ABCA8: variants seen among roughly 807,000 people sequenced by gnomAD.
ABCA8 encodes the protein ATP binding cassette subfamily A member 8.
Under a neutral mutation model 192.3 loss-of-function variants are expected in ABCA8, and 177 were observed. The ratio of observed to expected loss-of-function variants is 0.92; its 90% CI spans 0.81 to 1.04. The LOEUF is 1.04. Ranked by LOEUF, ABCA8 falls within the 50% of genes least tolerant of loss-of-function variation. The pLI is 0.00. For synonymous variants in ABCA8, 642 were observed against 690.2 expected (o/e 0.93, Z 1.09); for missense variants, 1,915 against 1,904.8 (o/e 1.01, Z -0.10).
Position 68,919,373 on chromosome 17 carries a change from G to T in ABCA8, c.1716C>A (p.Phe572Leu). The T allele has an allele frequency of 6.2e-7, 1 of 1,613,988 alleles. No homozygotes were observed. Among genetic ancestry groups the T allele is most frequent in the Non-Finnish European group, 8.5e-7 (1 of 1,179,968 alleles). ...GTCTGAGGTTTTCTCTTACAGTGAG[G>T]AAGTCAAATTGCACATTGGATTGTG... ...VCPQSNVQFD[F>L]LTVRENLRLF... The change falls in exon 14 of 40, where the codon TTC (phenylalanine) becomes TTA (leucine). Residue 572 changes from phenylalanine to leucine, a missense_variant. Physicochemically the swap from Phe to Leu is conservative, Grantham distance 22. Transcript: ENST00000586539.
At chr17:68,933,321 T>G in intron 5 of ABCA8, 50 bp from the exon 6 acceptor site, 2 of 1,211,198 alleles carry the variant, frequency 1.7e-6, no homozygotes, top group Non-Finnish European at 2.4e-6. Context: ...ATCTATATTA[T>G]TGAAATATGA....
intron 2 of ABCA8, among the ~76,000 whole-genome samples, chr17:68,945,528 C>A (rs1221563581): frequency 6.6e-6 from 1 of 152,082 alleles, no homozygotes; most frequent in Non-Finnish European, 1.5e-5. Flanking sequence ...CTTTCCTTTT[C>A]AGAAGTCATA....
intron 22 of ABCA8, 113 bp downstream of exon 22, chr17:68,894,767 A>T (rs749557327): frequency 1.6e-4 from 188 of 1,208,884 alleles, no homozygotes; most frequent in Non-Finnish European, 1.7e-4. Flanking sequence ...ACTAAGTAAT[A>T]AATGAAAACA....
At chr17:68,934,346 C>A (rs561708630) in intron 5 of ABCA8, among the ~76,000 whole-genome samples, 127 of 152,106 alleles carry the variant, frequency 8.3e-4, no homozygotes, top group South Asian at 2.3e-3. Context: ...TATATGTCTT[C>A]TTGTAAATAT....
At chr17:68,902,684 A>G (rs1219547277) in intron 21 of ABCA8, 29 bp downstream of exon 21, 2 of 1,582,864 alleles carry the variant, frequency 1.3e-6, no homozygotes, top group Admixed American at 1.7e-5. Context: ...CAGTAAATGT[A>G]TTTGGAAATC....
At chr17:68,887,925 T>TCCA in intron 24 of ABCA8, among the ~76,000 whole-genome samples, 5 of 101,028 alleles carry the variant, frequency 4.9e-5, no homozygotes, top group African/African-American at 2.0e-4. Context: ...TATATATATA[T>TCCA]TATATATGGA....
intron 11 of ABCA8, among the ~76,000 whole-genome samples, chr17:68,924,061 T>C (rs1170988768): frequency 6.6e-6 from 1 of 152,042 alleles, no homozygotes; most frequent in African/African-American, 2.4e-5. Context: ...ATAAGAAGTT[T>C]AAAAAGTGGA....
At chr17:68,893,761 GT>G (rs1194152894) in intron 23 of ABCA8, among the ~76,000 whole-genome samples, 1 of 106,576 alleles carries the variant, frequency 9.4e-6, no homozygotes, top group Non-Finnish European at 2.0e-5. Context: ...TATACTTTAG[GT>G]TTTAGGGTAC....
intron 2 of ABCA8, among the ~76,000 whole-genome samples, chr17:68,943,991 C>G (rs554376600): frequency 1.3e-5 from 2 of 152,036 alleles, no homozygotes; most frequent in East Asian, 3.9e-4. Context: ...AGAATGAGAT[C>G]GTGTCCTTTG....
At chr17:68,929,435 G>A in intron 8 of ABCA8, 126 bp downstream of exon 8, 2 of 1,238,126 alleles carry the variant, frequency 1.6e-6, no homozygotes, top group Non-Finnish European at 2.2e-6. Flanking sequence ...AATTGTACCT[G>A]TTTATAGATT....
chr17:68,906,735 G>T (rs2067078133), intron 18 of ABCA8, among the ~76,000 whole-genome samples: 2 of 152,058 alleles, frequency 1.3e-5, no homozygotes, highest in African/African-American at 4.8e-5. Context: ...ACTGAATCAG[G>T]GAATTTTCCT....
Position 68,881,977 on chromosome 17 carries a change from G to A in ABCA8, c.3832C>T (p.Pro1278Ser), listed in dbSNP as rs773370837. The change falls in exon 31 of 40, where the codon CCA becomes TCA. Residue 1278 changes from proline (P) to serine (S), a missense_variant. By Grantham distance (74) the Pro-to-Ser change is moderately conservative. Transcript: ENST00000586539. ...ALNSTNFDEK[P>S]VIIASCLRKE... ...CGTAGACAGCTGGCAATGATGACTGGCTTCTGTAAATGACAAGAAGTTATT... is the reference window on the plus strand; with the variant it reads ...CGTAGACAGCTGGCAATGATGACTGACTTCTGTAAATGACAAGAAGTTATT... 1 of 1,612,000 alleles carries A rather than the reference G, an allele frequency of 6.2e-7. No homozygotes were observed. The highest frequency in any genetic ancestry group is 8.5e-7 in the Non-Finnish European group (1 of 1,178,418).
intron 31 of ABCA8, 34 bp from the exon 32 acceptor site, chr17:68,881,245 T>G (rs2066328046): frequency 7.2e-7 from 1 of 1,398,120 alleles, no homozygotes; most frequent in Non-Finnish European, 1.0e-6. Flanking sequence ...ATTAATCTAT[T>G]TTAATGGTAA....
intron 37 of ABCA8, among the ~76,000 whole-genome samples, chr17:68,873,950 A>T (rs2047352610): frequency 6.6e-6 from 1 of 152,158 alleles, no homozygotes; most frequent in East Asian, 1.9e-4. Context: ...TGATTTGTGT[A>T]GCTTTGTATG....
At chr17:68,929,726 T>C in intron 7 of ABCA8, 24 bp from the exon 8 acceptor site, 1 of 1,577,108 alleles carries the variant, frequency 6.3e-7, no homozygotes, top group Non-Finnish European at 8.6e-7. Flanking sequence ...AAAATGTTAT[T>C]TTAGTATTTT....
At chr17:68,869,810 T>C (rs760543976) in intron 37 of ABCA8, 31 bp from the exon 38 acceptor site, 5 of 1,473,330 alleles carry the variant, frequency 3.4e-6, no homozygotes, top group Non-Finnish European at 4.7e-6. Context: ...AGAAGAGTGA[T>C]ACCACTTGTG....
At chr17:68,951,939 G>A (rs955569936) in intron 1 of ABCA8, among the ~76,000 whole-genome samples, 1 of 152,120 alleles carries the variant, frequency 6.6e-6, no homozygotes, top group Admixed American at 6.6e-5. Flanking sequence ...TTATTCTCAC[G>A]TTAAACCTAC....
At chr17:68,868,265 T>C (rs771450287) in intron 39 of ABCA8, 36 bp downstream of exon 39, 5 of 1,608,820 alleles carry the variant, frequency 3.1e-6, no homozygotes, top group Non-Finnish European at 2.6e-6. Flanking sequence ...TATACACATA[T>C]ACCATGGATG....
chr17:68,938,522 T>C (rs1050582333), intron 4 of ABCA8, among the ~76,000 whole-genome samples: 8 of 152,198 alleles, frequency 5.3e-5, no homozygotes, highest in African/African-American at 9.6e-5. Flanking sequence ...GTGGGAGTTA[T>C]GTTGCTTAAA....
Sources: gnomAD v4.1 joint callset for allele counts (sites outside exome capture counted in the v4.1 genomes callset) on GRCh38, gnomAD v4.1.1 for gene constraint, MANE v1.5 for transcripts, NCBI Gene and HGNC (gene_info 2026-07-23, HGNC 2026-07-21) for gene names.